The following PTP4A1 variants were observed in gnomAD, a reference collection of about 807,000 sequenced individuals.
PTP4A1 encodes protein tyrosine phosphatase 4A1, also known as protein tyrosine phosphatase type IVA 1.
In PTP4A1, 9 loss-of-function variants were observed where a neutral mutation model predicts 20.5. The ratio of observed to expected loss-of-function variants is 0.44; its 90% CI spans 0.26 to 0.77. The LOEUF is 0.77. Among genes scored for constraint, PTP4A1 ranks in the 30% least tolerant of loss-of-function variants. The pLI is 0.19. For synonymous variants in PTP4A1, 78 were observed against 67.4 expected (o/e 1.16, Z -0.77); for missense variants, 137 against 218.8 (o/e 0.63, Z 2.36).
At chr6:63,577,149 T>A (rs1005407736) in intron 2 of PTP4A1, among the ~76,000 whole-genome samples, 164 bp downstream of exon 2, 3 of 152,236 alleles carry the variant, frequency 2.0e-5, no homozygotes, top group African/African-American at 7.2e-5. Flanking sequence ...GGTATATTTG[T>A]ACATTTTGAG....
chr6:63,570,977 T>C (rs1777394968), upstream of PTP4A1: 1 of 152,216 alleles, frequency 6.6e-6, no homozygotes, highest in South Asian at 2.1e-4. Flanking sequence ...GCTTTCTATA[T>C]TTTCTTAGAA....
At chr6:63,562,963 G>T (rs1359806801) in intron 3 of PTP4A1, among the ~76,000 whole-genome samples, 1 of 152,144 alleles carries the variant, frequency 6.6e-6, no homozygotes. Context: ...TTATATCTCT[G>T]TTTGGCCTTT....
At chr6:63,548,765 A>G in intron 2 of PTP4A1, 2 of 705,066 alleles carry the variant, frequency 2.8e-6, no homozygotes, top group South Asian at 3.1e-5. Flanking sequence ...TGCCAATGCA[A>G]GCCACAGACT....
intron 2 of PTP4A1, among the ~76,000 whole-genome samples, chr6:63,531,870 C>A (rs961094034): frequency 1.3e-5 from 2 of 151,686 alleles, no homozygotes; most frequent in Admixed American, 1.3e-4. Flanking sequence ...CTCTATCACC[C>A]AGGCTCACTG....
At chr6:63,518,515 T>C (rs982886802), upstream of PTP4A1, among the ~76,000 whole-genome samples, 1 of 152,142 alleles carries the variant, frequency 6.6e-6, no homozygotes, top group African/African-American at 2.4e-5. Flanking sequence ...AATTCCTTCT[T>C]TGAGGTTGAG....
chr6:63,547,044 C>A (rs2149487551), intron 2 of PTP4A1, among the ~76,000 whole-genome samples: 1 of 152,230 alleles, frequency 6.6e-6, no homozygotes, highest in South Asian at 2.1e-4. Flanking sequence ...ATGGTTTTCA[C>A]TTATTTCCCA....
intron 2 of PTP4A1, 129 bp from the exon 3 acceptor site, chr6:63,578,308 T>G: frequency 5.2e-6 from 6 of 1,155,984 alleles, no homozygotes; most frequent in Non-Finnish European, 6.8e-6. Context: ...CATAAATGGA[T>G]TCTAGCATTC....
intron 3 of PTP4A1, among the ~76,000 whole-genome samples, chr6:63,551,960 G>T (rs1776464910): frequency 6.6e-6 from 1 of 152,170 alleles, no homozygotes; most frequent in African/African-American, 2.4e-5. Context: ...CATTTGGGTT[G>T]GTTCCAAGTC....
upstream of PTP4A1, among the ~76,000 whole-genome samples, chr6:63,517,673 A>G (rs1287808068): frequency 1.3e-5 from 2 of 152,094 alleles, no homozygotes; most frequent in African/African-American, 4.8e-5. Flanking sequence ...CATATATATG[A>G]CTTTTATATC....
intron 1 of PTP4A1, chr6:63,573,716 C>G (rs532955723): frequency 6.6e-6 from 1 of 152,382 alleles, no homozygotes; most frequent in South Asian, 2.1e-4. Context: ...ATAATGGGAA[C>G]AAGTCTAGTC....
chr6:63,577,987 C>G (rs1313270282), intron 2 of PTP4A1, among the ~76,000 whole-genome samples: 4 of 98,806 alleles, frequency 4.0e-5, no homozygotes, highest in African/African-American at 2.6e-4. Context: ...AGACTTCATT[C>G]AATGTAAATC....
chr6:63,549,955 A>G (rs1776363927), intron 2 of PTP4A1, among the ~76,000 whole-genome samples: 1 of 152,186 alleles, frequency 6.6e-6, no homozygotes, highest in South Asian at 2.1e-4. Flanking sequence ...GAAGGAGGAT[A>G]TTGAATGTTC....
upstream of PTP4A1, among the ~76,000 whole-genome samples, chr6:63,570,771 T>C (rs1053699289): frequency 6.6e-6 from 1 of 152,256 alleles, no homozygotes; most frequent in African/African-American, 2.4e-5. Context: ...TACACTATTA[T>C]ATACATTGGC....
In PTP4A1 at chr6:63,580,068, G is replaced by C; in HGVS notation, c.416G>C (p.Gly139Ala). Reference sequence around the variant, plus strand: ...TTTTTTCCTCCCAGAAAGCGGCGTGGAGCTTTTAACAGCAAGCAACTTCTG... The same window carrying C: ...TTTTTTCCTCCCAGAAAGCGGCGTGCAGCTTTTAACAGCAAGCAACTTCTG... Reference protein sequence around the residue: ...AVQFIRQKRRGAFNSKQLLYL... With the variant: ...AVQFIRQKRRAAFNSKQLLYL... The change falls in exon 6 of 6, where the codon GGA becomes GCA. Residue 139 changes from glycine to alanine, a missense_variant. Transcript: ENST00000626021. The C allele has an allele frequency of 6.2e-7, 1 of 1,610,060 alleles. No homozygotes were observed. Among genetic ancestry groups the C allele is most frequent in the Non-Finnish European group, 8.5e-7 (1 of 1,178,136 alleles).
At chr6:63,544,309 C>T (rs1776097601) in intron 2 of PTP4A1, among the ~76,000 whole-genome samples, 1 of 152,222 alleles carries the variant, frequency 6.6e-6, no homozygotes, top group Non-Finnish European at 1.5e-5. Context: ...CATGTTTCAT[C>T]ATCCTCTCTC....
intron 3 of PTP4A1, among the ~76,000 whole-genome samples, chr6:63,564,288 AAAG>A (rs1049371963): frequency 1.3e-5 from 2 of 151,990 alleles, no homozygotes; most frequent in African/African-American, 4.8e-5. Flanking sequence ...AAAAAAAAAA[AAAG>A]AGAGAAATTT....
chr6:63,573,705 G>A (rs1777653310), intron 1 of PTP4A1: 1 of 152,300 alleles, frequency 6.6e-6, no homozygotes, highest in Non-Finnish European at 1.5e-5. Context: ...TCGGGCTCGT[G>A]ATAATGGGAA....
chr6:63,517,192 G>T (rs1243766723), upstream of PTP4A1, among the ~76,000 whole-genome samples: 3 of 151,968 alleles, frequency 2.0e-5, no homozygotes, highest in African/African-American at 7.3e-5. Flanking sequence ...TAACTATTCA[G>T]AAAAATAAAA....
At chr6:63,542,428 A>T (rs955331737) in intron 2 of PTP4A1, among the ~76,000 whole-genome samples, 81 of 149,722 alleles carry the variant, frequency 5.4e-4, no homozygotes, top group African/African-American at 2.0e-3. Flanking sequence ...TATGGAAATA[A>T]AAAAAAAAAC....
Sources: allele counts gnomAD v4.1 joint callset (sites outside exome capture counted in the v4.1 genomes callset), GRCh38; gene constraint gnomAD v4.1.1; transcripts MANE v1.5; gene names NCBI Gene and HGNC (gene_info 2026-07-23, HGNC 2026-07-21).